SNTB1: variants seen among roughly 807,000 people sequenced by gnomAD.
SNTB1 encodes beta-1-syntrophin.
SNTB1 carries 36 observed loss-of-function variants against 48.9 expected under a neutral mutation model. That is an observed-to-expected ratio of 0.74 (90% confidence interval 0.56 to 0.97). The LOEUF (loss-of-function observed/expected upper bound fraction) is 0.97, where lower values mean the gene tolerates loss of function less well. SNTB1 is among the 50% of genes least tolerant of loss of function. SNTB1 has a pLI of 0.00. For missense variants in SNTB1, 786 were observed against 703.4 expected, an observed-to-expected ratio of 1.12 and a Z score of -1.33; for synonymous variants, 299 against 294.6, an observed-to-expected ratio of 1.01 and a Z score of -0.15.
intron 2 of SNTB1, among the ~76,000 whole-genome samples, chr8:120,682,717 T>C (rs964773690): frequency 2.6e-5 from 4 of 152,044 alleles, no homozygotes; most frequent in African/African-American, 7.2e-5. Flanking sequence ...GGTACGTAGG[T>C]AGATAGACGA....
intron 1 of SNTB1, among the ~76,000 whole-genome samples, chr8:120,795,458 GATCAAGAATTCATCTGAACACTTA>G (rs1402274365): frequency 8.5e-5 from 13 of 152,066 alleles, no homozygotes; most frequent in African/African-American, 3.1e-4. Flanking sequence ...ACCTAGAGGT[GATCAAGAATTCATCTGAACACTTA>G]GTAAAGACAG....
chr8:120,656,732 T>G (rs1817509430), intron 2 of SNTB1, among the ~76,000 whole-genome samples: 1 of 152,206 alleles, frequency 6.6e-6, no homozygotes, highest in Non-Finnish European at 1.5e-5. Context: ...TATTTTAAAC[T>G]AGGGTTGCCA....
intron 2 of SNTB1, among the ~76,000 whole-genome samples, chr8:120,650,690 C>T (rs988569128): frequency 2.0e-5 from 3 of 152,166 alleles, no homozygotes; most frequent in Admixed American, 6.5e-5. Context: ...TTCAGATACA[C>T]GCATTTTGAC....
At chr8:120,781,703 A>C (rs1285433809) in intron 1 of SNTB1, among the ~76,000 whole-genome samples, 2 of 152,168 alleles carry the variant, frequency 1.3e-5, no homozygotes, top group Non-Finnish European at 2.9e-5. Context: ...GAATGGACTC[A>C]TTCTTATTCA....
At chr8:120,647,416 G>C (rs1239151375) in intron 2 of SNTB1, among the ~76,000 whole-genome samples, 1 of 148,506 alleles carries the variant, frequency 6.7e-6, no homozygotes, top group Non-Finnish European at 1.5e-5. Context: ...CCTTCATTTC[G>C]TTATGTACCC....
chr8:120,742,265 A>G (rs1157682617), intron 1 of SNTB1, among the ~76,000 whole-genome samples: 1 of 152,242 alleles, frequency 6.6e-6, no homozygotes, highest in Non-Finnish European at 1.5e-5. Context: ...GTGCCTTTAA[A>G]AAAGATTTTC....
intron 1 of SNTB1, among the ~76,000 whole-genome samples, chr8:120,734,584 T>C (rs768835690): frequency 3.3e-5 from 5 of 152,188 alleles, no homozygotes; most frequent in Non-Finnish European, 5.9e-5. Flanking sequence ...TTATCACCAT[T>C]TTATAGATGA....
chr8:120,598,263 C>A (rs1168141479), intron 3 of SNTB1, among the ~76,000 whole-genome samples: 1 of 152,176 alleles, frequency 6.6e-6, no homozygotes, highest in Admixed American at 6.5e-5. Context: ...CTTATCTGGT[C>A]ATTTCTTCAT....
At chr8:120,609,872 C>T (rs1001640613) in intron 3 of SNTB1, among the ~76,000 whole-genome samples, 1 of 152,090 alleles carries the variant, frequency 6.6e-6, no homozygotes, top group Non-Finnish European at 1.5e-5. Flanking sequence ...GACCGTGGCC[C>T]AACACTTCCT....
At chr8:120,808,051 G>A (rs1270864334) in intron 1 of SNTB1, among the ~76,000 whole-genome samples, 2 of 151,896 alleles carry the variant, frequency 1.3e-5, no homozygotes, top group African/African-American at 2.4e-5. Flanking sequence ...AGTAGCTGAG[G>A]TTACAGGCAT....
intron 2 of SNTB1, among the ~76,000 whole-genome samples, chr8:120,660,891 G>A (rs1270805402): frequency 6.6e-6 from 1 of 152,186 alleles, no homozygotes; most frequent in Non-Finnish European, 1.5e-5. Flanking sequence ...CCTGAGGAGA[G>A]GGAGAGAGAT....
intron 1 of SNTB1, among the ~76,000 whole-genome samples, chr8:120,722,885 T>G (rs1196390098): frequency 2.6e-5 from 4 of 152,176 alleles, no homozygotes; most frequent in Non-Finnish European, 4.4e-5. Context: ...GGTCTAACAT[T>G]TAAGTCTTTA....
At chr8:120,602,665 C>A (rs935964085) in intron 3 of SNTB1, among the ~76,000 whole-genome samples, 26 of 152,194 alleles carry the variant, frequency 1.7e-4, no homozygotes, top group Admixed American at 5.2e-4. Flanking sequence ...ATCTTACACA[C>A]ACATCCTATT....
At chr8:120,625,075 T>C (rs543979732) in intron 3 of SNTB1, among the ~76,000 whole-genome samples, 3 of 152,290 alleles carry the variant, frequency 2.0e-5, no homozygotes, top group African/African-American at 7.2e-5. Context: ...GAAGTCATCC[T>C]TTTTCTCAGG....
intron 2 of SNTB1, among the ~76,000 whole-genome samples, chr8:120,672,673 TGAGA>T (rs1343648043): frequency 1.3e-5 from 2 of 152,226 alleles, no homozygotes; most frequent in African/African-American, 4.8e-5. Context: ...TTCACATAAC[TGAGA>T]GAGTTAAGTA....
intron 1 of SNTB1, among the ~76,000 whole-genome samples, chr8:120,753,408 C>T (rs1016924543): frequency 2.0e-5 from 3 of 152,158 alleles, no homozygotes; most frequent in African/African-American, 7.2e-5. Flanking sequence ...CTTTACTCCA[C>T]CAACAAAATC....
intron 3 of SNTB1, among the ~76,000 whole-genome samples, chr8:120,596,824 T>C (rs1816334226): frequency 6.6e-6 from 1 of 152,214 alleles, no homozygotes; most frequent in Non-Finnish European, 1.5e-5. Flanking sequence ...TTTAAGGGCT[T>C]ATGTGATGAG....
intron 3 of SNTB1, among the ~76,000 whole-genome samples, chr8:120,610,893 T>C (rs1346182550): frequency 1.3e-5 from 2 of 152,282 alleles, no homozygotes; most frequent in Admixed American, 1.3e-4. Context: ...ACACACCTGC[T>C]GTGTGTGGGT....
At chr8:120,545,566 TC>T (rs1475819805) in intron 5 of SNTB1, among the ~76,000 whole-genome samples, 5 of 152,202 alleles carry the variant, frequency 3.3e-5, no homozygotes, top group Admixed American at 3.3e-4. Flanking sequence ...AAAATTGTTA[TC>T]ATTGTTTCCA....
Sources: allele counts gnomAD v4.1 joint callset (sites outside exome capture counted in the v4.1 genomes callset), GRCh38; gene constraint gnomAD v4.1.1; transcripts MANE v1.5; gene names NCBI Gene and HGNC (gene_info 2026-07-23, HGNC 2026-07-21).